The following PDZD7 variants were observed in gnomAD, a reference collection of about 807,000 sequenced individuals.
PDZD7 encodes the protein PDZ domain-containing protein 7.
In PDZD7, 72 loss-of-function variants were observed where a neutral mutation model predicts 84.7. The ratio of observed to expected loss-of-function variants is 0.85; its 90% CI spans 0.70 to 1.03. The LOEUF (loss-of-function observed/expected upper bound fraction) is 1.03, where lower values mean the gene tolerates loss of function less well. PDZD7 is among the 50% of genes least tolerant of loss of function. The pLI, the probability that PDZD7 is intolerant of heterozygous loss-of-function variation, is 0.00. For synonymous variants in PDZD7, 594 were observed against 580.7 expected (o/e 1.02, Z -0.33); for missense variants, 1,490 against 1,412.9 (o/e 1.05, Z -0.87).
chr10:101,021,744 C>T, intron 6 of PDZD7, 54 bp downstream of exon 6: 1 of 1,613,602 alleles, frequency 6.2e-7, no homozygotes, highest in South Asian at 1.1e-5. Context: ...CTAGGGTGGT[C>T]TGGGAAGCCC....
rs1031260991 is a variant in PDZD7 at position 101,008,620 on chromosome 10, A to G, written c.2949T>C (p.Ala983=). The G allele has an allele frequency of 6.5e-7, 1 of 1,535,994 alleles. No homozygotes were observed. The highest frequency in any genetic ancestry group is 8.7e-7 in the Non-Finnish European group (1 of 1,146,840). The change falls in exon 17 of 17, where the codon GCT becomes GCC. Residue 983 remains alanine (A), a synonymous_variant. Transcript: ENST00000619208. ...CTGGGAGCCAGTGGGCAGGAACTGG[A>G]GCAGCATCAAGGGGTTGGTGGGCAG... The part of the protein sequence containing the change: ...HLPAHQPLDA[A]PVPAHWLPEP...
rs544564333 is a variant in PDZD7, at chr10:101,020,811, C to G, written c.868-133G>C. 5.2e-5 allele frequency: 36 copies of G among 695,638 alleles called. No homozygotes were observed. The East Asian group carries it at 9.4e-4, about 18-fold the overall frequency. The allele number at this position is 695,638 out of a possible 1,614,324, so 43.1% of individuals were successfully genotyped here. ...TCCTCCAAATTCATCATGCTCTGGC[C>G]GCACAGGCCACTTTCTTTCTGAACG... On this transcript the variant is annotated intron_variant, in intron 6 of 16. Transcript: ENST00000619208.
chr10:101,018,366 TGGGGAG>T, intron 8 of PDZD7, 70 bp from the exon 9 acceptor site: 7 of 1,528,196 alleles, frequency 4.6e-6, no homozygotes, highest in Non-Finnish European at 4.5e-6. Context: ...GGCAGGGGTG[TGGGGAG>T]GGACAGAGAG....
chr10:101,019,262 G>A (rs1564634836), intron 7 of PDZD7, 45 bp from the exon 8 acceptor site: 1 of 1,533,826 alleles, frequency 6.5e-7, no homozygotes, highest in Non-Finnish European at 8.7e-7. Context: ...TTGCTTCAGA[G>A]CCCTGCCCGG....
chr10:101,029,025 G>C lies in PDZD7; in HGVS notation c.226+969C>G, dbSNP rs1273922614. 3.3e-5 allele frequency among the ~76,000 whole-genome samples: 5 copies of C among 152,244 alleles called. No individual in the cohort carries two copies. In the East Asian group the frequency reaches 9.6e-4, roughly 29 times the overall value. On this transcript the variant is annotated intron_variant, in intron 2 of 16. Coordinates refer to ENST00000619208, the MANE Select transcript of PDZD7 (RefSeq NM_001195263.2). ...GCAGGGCCTGAACAGTCCAGTCTGG[G>C]ATCCAGCCAGGGGAGCTCTGCTGGC...
At chr10:101,017,971 T>C in intron 9 of PDZD7, 128 bp downstream of exon 9, 1 of 1,025,802 alleles carries the variant, frequency 9.7e-7, no homozygotes, top group Admixed American at 1.8e-5. Context: ...ATGAGGAAAC[T>C]GAGGCTCTCA....
chr10:101,017,909 AAAGAAAAG>A lies in PDZD7; in HGVS notation c.1522+182_1522+189del. 3 of 476,022 alleles carry A rather than the reference AAAGAAAAG, an allele frequency of 6.3e-6. No individual in the cohort carries two copies. The South Asian group carries it at 9.1e-5, about 14-fold the overall frequency. 29.5% of individuals were successfully genotyped at this position (476,022 alleles called of 1,614,324 possible). ...AAAGAAAGAAAAGAAAGAAAGAAAG[AAAGAAAAG>A]AAAGAAAGAAAAAGAAATAGGTATT... On this transcript the variant is annotated intron_variant, in intron 9 of 16. Coordinates refer to ENST00000619208, the MANE Select transcript of PDZD7 (RefSeq NM_001195263.2).
intron 9 of PDZD7, chr10:101,017,270 C>T (rs1852670813): frequency 4.1e-6 from 1 of 244,386 alleles, no homozygotes; most frequent in Non-Finnish European, 7.8e-6. Flanking sequence ...TGGGCAAAGC[C>T]CCACAATAGC....
At chr10:101,023,069 GCTTTTTTTTTTTT>G (rs1450751381) in intron 4 of PDZD7, 1 of 239,158 alleles carries the variant, frequency 4.2e-6, no homozygotes, top group African/African-American at 3.6e-5. Flanking sequence ...ACCATGCCCG[GCTTTTTTTTTTTT>G]TTTTTTTTTT....
At chr10:101,021,660 C>T (rs899844395) in intron 6 of PDZD7, 138 bp downstream of exon 6, 1 of 1,346,036 alleles carries the variant, frequency 7.4e-7, no homozygotes, top group South Asian at 1.2e-5. Flanking sequence ...TTCTTCAAAA[C>T]AGGGATGAGA....
Position 101,011,013 on chromosome 10 carries a change from C to T in PDZD7, c.2006-130G>A, listed in dbSNP as rs377579872. On this transcript the variant is annotated intron_variant, in intron 14 of 16. Transcript: ENST00000619208. ...AGGCACCACTGCAGTGCGGCCCACC[C>T]ACCGGGGAGGCAGACAGACATGTTC... is the stretch of plus-strand genomic sequence containing the variant. The T allele has an allele frequency of 2.0e-6, 3 of 1,484,230 alleles. No individual in the cohort carries two copies. The African/African-American group carries it at 4.2e-5, about 21-fold the overall frequency. 91.9% of individuals were successfully genotyped at this position (1,484,230 alleles called of 1,614,324 possible). A position where few individuals can be genotyped will look rare whatever the true frequency, so the allele number is the denominator to read the frequency against.
At chr10:101,026,187 T>G (rs1590074191) in intron 2 of PDZD7, among the ~76,000 whole-genome samples, 1 of 150,660 alleles carries the variant, frequency 6.6e-6, no homozygotes, top group African/African-American at 2.4e-5. Context: ...CAGGCTGGAG[T>G]GCAATGGCTC....
intron 9 of PDZD7, chr10:101,017,394 C>CTTT: frequency 2.4e-5 from 9 of 380,080 alleles, no homozygotes; most frequent in South Asian, 6.2e-5. Context: ...TTTTCTTTTA[C>CTTT]TTTTTTTTTT....
intron 11 of PDZD7, among the ~76,000 whole-genome samples, chr10:101,014,329 G>A (rs537970525): frequency 6.6e-6 from 1 of 152,246 alleles, no homozygotes; most frequent in Admixed American, 6.5e-5. Flanking sequence ...TGGTGTGGGG[G>A]GCTTGGGTCA....
chr10:101,017,506 GGTGTGGT>G (rs1442060181), intron 9 of PDZD7: 6 of 668,750 alleles, frequency 9.0e-6, no homozygotes, highest in Admixed American at 2.1e-5. Flanking sequence ...GGATTGGCCA[GGTGTGGT>G]AGATCACGCT....
Position 101,009,640 on chromosome 10 carries a change from T to G in PDZD7, c.2618-290A>C, listed in dbSNP as rs12780745. ...TTTTTTTTTTGAGACGGAGTTTCAC[T>G]CTTGTTGCCCAGGCTGGAGTGCAAT... On this transcript the variant is annotated intron_variant, in intron 15 of 16. Coordinates refer to ENST00000619208, the MANE Select transcript of PDZD7 (RefSeq NM_001195263.2). Among the ~76,000 whole-genome samples, 3,947 of 119,518 alleles carry G rather than the reference T, an allele frequency of 0.033. 76 individuals carry two copies. The highest frequency in any genetic ancestry group is 0.04 in the African/African-American group (1,333 of 33,596). 78.4% of individuals were successfully genotyped at this position (119,518 alleles called of 152,430 possible). A position where few individuals can be genotyped will look rare whatever the true frequency, so the allele number is the denominator to read the frequency against.
chr10:101,011,645 TC>T, intron 14 of PDZD7, 44 bp downstream of exon 14: 4 of 1,528,270 alleles, frequency 2.6e-6, no homozygotes, highest in Non-Finnish European at 2.6e-6. Flanking sequence ...TTCCCTAATC[TC>T]CCCAGGGCTG....
chr10:101,029,858 C>T (rs910862965), intron 2 of PDZD7, 136 bp downstream of exon 2: 16 of 878,192 alleles, frequency 1.8e-5, no homozygotes, highest in East Asian at 2.6e-5. Flanking sequence ...GGTTCCCAGG[C>T]GGCCTGCCAC....
At position 101,010,297 on chromosome 10, in the gene PDZD7, T is replaced by C; in HGVS notation, c.2592A>G (p.Thr864=). ...KNPSGELKTV[T]LSKMKQSLGI... Reference sequence around the variant, plus strand: ...CTAAGGACTGCTTCATCTTGGACAGTGTCACTGTCTTCAGCTCGCCACTGG... The same window carrying C: ...CTAAGGACTGCTTCATCTTGGACAGCGTCACTGTCTTCAGCTCGCCACTGG... The change falls in exon 15 of 17, where the codon ACA becomes ACG. Residue 864 remains threonine, a synonymous_variant. Coordinates refer to ENST00000619208, the MANE Select transcript of PDZD7 (RefSeq NM_001195263.2). 1 of 1,533,940 alleles carries C rather than the reference T, an allele frequency of 6.5e-7. No individual in the cohort carries two copies. The highest frequency in any genetic ancestry group is 8.7e-7 in the Non-Finnish European group (1 of 1,144,992).
Sources: allele counts gnomAD v4.1 joint callset (sites outside exome capture counted in the v4.1 genomes callset), GRCh38; gene constraint gnomAD v4.1.1; transcripts MANE v1.5; gene names NCBI Gene and HGNC (gene_info 2026-07-23, HGNC 2026-07-21).